Variants in RABGAP1L observed in about 807,000 individuals in gnomAD.
RABGAP1L encodes rab GTPase-activating protein 1-like.
In RABGAP1L, 63 loss-of-function variants were observed where a neutral mutation model predicts 137.7. The ratio of observed to expected loss-of-function variants is 0.46; its 90% CI spans 0.37 to 0.56. The LOEUF is 0.56. RABGAP1L is among the 20% of genes least tolerant of loss of function. The pLI, the probability that RABGAP1L is intolerant of heterozygous loss-of-function variation, is 0.00. For missense variants in RABGAP1L, 1,095 were observed against 1,244.0 expected, an observed-to-expected ratio of 0.88 and a Z score of 1.80; for synonymous variants, 431 against 433.7, an observed-to-expected ratio of 0.99 and a Z score of 0.08.
intron 13 of RABGAP1L, among the ~76,000 whole-genome samples, chr1:174,537,437 T>C (rs564132531): frequency 6.6e-6 from 1 of 152,330 alleles, no homozygotes; most frequent in East Asian, 1.9e-4. Flanking sequence ...ACTAAGAACC[T>C]ATTTTCCTAA....
intron 19 of RABGAP1L, among the ~76,000 whole-genome samples, chr1:174,893,753 G>T (rs1378625213): frequency 2.0e-5 from 3 of 152,102 alleles, no homozygotes; most frequent in Non-Finnish European, 2.9e-5. Context: ...CTTGGAAGGA[G>T]GTTAACTTTT....
chr1:174,459,509 A>C (rs1656427651), intron 13 of RABGAP1L, among the ~76,000 whole-genome samples: 1 of 152,068 alleles, frequency 6.6e-6, no homozygotes, highest in African/African-American at 2.4e-5. Flanking sequence ...ACATACAATA[A>C]CCTACACACA....
intron 13 of RABGAP1L, among the ~76,000 whole-genome samples, chr1:174,625,884 T>C (rs999379761): frequency 6.6e-6 from 1 of 152,210 alleles, no homozygotes; most frequent in African/African-American, 2.4e-5. Flanking sequence ...TAAAGGAATA[T>C]TATTTTTATA....
chr1:174,966,047 G>A (rs1669590908), intron 20 of RABGAP1L, among the ~76,000 whole-genome samples: 1 of 152,168 alleles, frequency 6.6e-6, no homozygotes, highest in Admixed American at 6.5e-5. Flanking sequence ...CTAATCAACA[G>A]TGAAGTAGCT....
chr1:174,471,906 G>A (rs1481844704), intron 13 of RABGAP1L, among the ~76,000 whole-genome samples: 1 of 152,184 alleles, frequency 6.6e-6, no homozygotes, highest in Non-Finnish European at 1.5e-5. Context: ...GGGGTCATAA[G>A]TGTGGGGCCC....
At chr1:174,880,971 G>A (rs2149087012) in intron 19 of RABGAP1L, among the ~76,000 whole-genome samples, 1 of 152,280 alleles carries the variant, frequency 6.6e-6, no homozygotes, top group East Asian at 1.9e-4. Context: ...CAAATACAGA[G>A]ATGTGAAGCA....
At chr1:174,206,796 T>C (rs186563296) in intron 1 of RABGAP1L, among the ~76,000 whole-genome samples, 1 of 152,318 alleles carries the variant, frequency 6.6e-6, no homozygotes, top group East Asian at 1.9e-4. Context: ...ATTGTTGTAC[T>C]ATTTCTTGTA....
At chr1:174,230,383 AACTT>A (rs1484958201) in intron 3 of RABGAP1L, among the ~76,000 whole-genome samples, 1 of 152,140 alleles carries the variant, frequency 6.6e-6, no homozygotes, top group Non-Finnish European at 1.5e-5. Context: ...TGTACCCTAA[AACTT>A]AAAGTATAGT....
At chr1:174,742,992 C>T (rs942392176) in intron 17 of RABGAP1L, among the ~76,000 whole-genome samples, 8 of 152,126 alleles carry the variant, frequency 5.3e-5, no homozygotes, top group Non-Finnish European at 8.8e-5. Flanking sequence ...AAATGCTTGA[C>T]ATATGATGAA....
intron 13 of RABGAP1L, among the ~76,000 whole-genome samples, chr1:174,467,553 A>G (rs1198249310): frequency 1.3e-5 from 2 of 152,180 alleles, no homozygotes; most frequent in East Asian, 3.8e-4. Context: ...AAATAAATGT[A>G]AAAGTAACCA....
chr1:174,900,173 G>C (rs1291627532), intron 19 of RABGAP1L, among the ~76,000 whole-genome samples: 2 of 152,158 alleles, frequency 1.3e-5, no homozygotes, highest in Non-Finnish European at 2.9e-5. Context: ...AAGGTGTTCA[G>C]GTTCTTGGCA....
intron 18 of RABGAP1L, among the ~76,000 whole-genome samples, chr1:174,790,914 A>G (rs1687807229): frequency 6.6e-6 from 1 of 151,774 alleles, no homozygotes; most frequent in African/African-American, 2.4e-5. Context: ...AATGAGGCTG[A>G]GCGTGGTGGC....
chr1:174,336,058 T>C (rs1049320525), intron 11 of RABGAP1L, among the ~76,000 whole-genome samples: 3 of 152,330 alleles, frequency 2.0e-5, no homozygotes. Flanking sequence ...AAATGCTATC[T>C]TAAAAAAATT....
chr1:174,841,272 A>G (rs1693365863), intron 19 of RABGAP1L, among the ~76,000 whole-genome samples: 1 of 152,204 alleles, frequency 6.6e-6, no homozygotes, highest in Admixed American at 6.5e-5. Context: ...AAGTAAATAT[A>G]TACAGCATTC....
At chr1:174,341,160 G>C (rs368460297) in intron 11 of RABGAP1L, among the ~76,000 whole-genome samples, 159 of 152,138 alleles carry the variant, frequency 1.0e-3, no homozygotes, top group African/African-American at 3.6e-3. Context: ...ATATTAGATT[G>C]TTGTCAGATG....
intron 17 of RABGAP1L, among the ~76,000 whole-genome samples, chr1:174,726,116 T>C (rs1233122602): frequency 6.6e-6 from 1 of 152,166 alleles, no homozygotes; most frequent in Non-Finnish European, 1.5e-5. Flanking sequence ...ATTCTGAGGG[T>C]ATAGTAATTA....
At chr1:174,329,922 GAAT>G (rs765390747) in intron 11 of RABGAP1L, among the ~76,000 whole-genome samples, 2 of 147,622 alleles carry the variant, frequency 1.4e-5, no homozygotes, top group African/African-American at 2.5e-5. Flanking sequence ...AGACTGATTT[GAAT>G]AATAATAAAG....
At chr1:174,893,071 A>G in intron 19 of RABGAP1L, 1 of 343,978 alleles carries the variant, frequency 2.9e-6, no homozygotes, top group Non-Finnish European at 5.9e-6. Context: ...TGATTTGTCC[A>G]TTATCATTTT....
chr1:174,206,848 A>C lies in RABGAP1L; in HGVS notation c.-33-12277A>C, dbSNP rs1031188074. Among the ~76,000 whole-genome samples the C allele has an allele frequency of 5.3e-5, 8 of 152,190 alleles. No individual in the cohort carries two copies. In the East Asian group the frequency reaches 1.5e-3, roughly 29 times the overall value. ...TTTTAGGCATCCAAGTGAGGTATTA[A>C]TTTAGATATCATTATTGCTCATTTA... On this transcript the variant is annotated intron_variant, in intron 1 of 25. Transcript: ENST00000681986.
Sources: gnomAD v4.1 joint callset for allele counts (sites outside exome capture counted in the v4.1 genomes callset) on GRCh38, gnomAD v4.1.1 for gene constraint, MANE v1.5 for transcripts, NCBI Gene and HGNC (gene_info 2026-07-23, HGNC 2026-07-21) for gene names.